The following RGS22 variants were observed in gnomAD, a reference collection of about 807,000 sequenced individuals.
RGS22 encodes the protein regulator of G protein signaling 22.
RGS22 carries 148 observed loss-of-function variants against 172.9 expected under a neutral mutation model. The observed-to-expected ratio is 0.86, with a 90% CI of 0.75 to 0.98. The LOEUF is 0.98. Among genes scored for constraint, RGS22 ranks in the 50% least tolerant of loss-of-function variants. The pLI, the probability that RGS22 is intolerant of heterozygous loss-of-function variation, is 0.00. For missense variants in RGS22, 1,347 were observed against 1,440.8 expected, an observed-to-expected ratio of 0.93 and a Z score of 1.05; for synonymous variants, 458 against 480.2, an observed-to-expected ratio of 0.95 and a Z score of 0.60.
At chr8:100,072,418 C>T (rs973134470) in intron 4 of RGS22, among the ~76,000 whole-genome samples, 188 bp from the exon 5 acceptor site, 6 of 126,516 alleles carry the variant, frequency 4.7e-5, no homozygotes, top group Admixed American at 2.7e-4. Flanking sequence ...GCCCCTGGTA[C>T]GTTTTTAATT....
chr8:100,021,219 T>C (rs1163702397), intron 14 of RGS22, among the ~76,000 whole-genome samples: 1 of 152,236 alleles, frequency 6.6e-6, no homozygotes, highest in African/African-American at 2.4e-5. Context: ...TGCCAATTTA[T>C]AACAGTTTAC....
chr8:100,093,294 T>C lies in RGS22; in HGVS notation c.117+153A>G, dbSNP rs541680484. ...CTAAATATGATTCAAATCCAAATGA[T>C]TAACTATGTAAAAAGATAAAACCTT... On this transcript the variant is annotated intron_variant, in intron 3 of 27. Coordinates refer to ENST00000360863, the MANE Select transcript of RGS22 (RefSeq NM_015668.5). 39 of 516,336 alleles carry C rather than the reference T, an allele frequency of 7.6e-5. No homozygotes were observed. In the South Asian group the frequency reaches 1.3e-3, roughly 17 times the overall value. 32.0% of individuals were successfully genotyped at this position (516,336 alleles called of 1,614,324 possible).
chr8:100,101,432 A>G (rs1245575227), intron 2 of RGS22, among the ~76,000 whole-genome samples: 1 of 144,148 alleles, frequency 6.9e-6, no homozygotes, highest in Admixed American at 7.2e-5. Context: ...GACTACAGGC[A>G]TGCCCAGCTA....
chr8:100,097,749 C>T (rs934178737), intron 2 of RGS22, among the ~76,000 whole-genome samples: 4 of 152,208 alleles, frequency 2.6e-5, no homozygotes, highest in Non-Finnish European at 4.4e-5. Context: ...ACTCTGGAAT[C>T]CTGTCCACTA....
intron 14 of RGS22, among the ~76,000 whole-genome samples, chr8:100,011,687 C>T (rs996321633): frequency 6.6e-6 from 1 of 152,136 alleles, no homozygotes; most frequent in Admixed American, 6.5e-5. Flanking sequence ...TGACTCCAGC[C>T]TCGAGTTTTT....
At chr8:100,076,926 G>A (rs995394575) in intron 4 of RGS22, among the ~76,000 whole-genome samples, 3 of 152,024 alleles carry the variant, frequency 2.0e-5, no homozygotes, top group Non-Finnish European at 4.4e-5. Flanking sequence ...CTGGGAGGCG[G>A]AGAGTGCAGT....
intron 12 of RGS22, 104 bp from the exon 13 acceptor site, chr8:100,040,191 C>T: frequency 1.0e-6 from 1 of 994,498 alleles, no homozygotes; most frequent in Non-Finnish European, 1.5e-6. Context: ...GTCATTTTCC[C>T]ACTGGACTAT....
At chr8:100,086,476 A>G (rs1358475776) in intron 3 of RGS22, among the ~76,000 whole-genome samples, 1 of 152,072 alleles carries the variant, frequency 6.6e-6, no homozygotes, top group Non-Finnish European at 1.5e-5. Context: ...ACCAAACACC[A>G]TATGTTTTCA....
intron 17 of RGS22, 68 bp from the exon 18 acceptor site, chr8:100,002,432 A>G: frequency 6.8e-7 from 1 of 1,469,484 alleles, no homozygotes; most frequent in East Asian, 2.4e-5. Context: ...TAAACACCCG[A>G]TTGTTGTTTT....
chr8:99,992,626 A>G (rs1009900318), intron 20 of RGS22, among the ~76,000 whole-genome samples: 3 of 152,218 alleles, frequency 2.0e-5, no homozygotes, highest in African/African-American at 7.2e-5. Context: ...GCAAGTCCTT[A>G]GAGACCTATG....
At chr8:100,001,221 CAT>C (rs1397528231) in intron 18 of RGS22, among the ~76,000 whole-genome samples, 1 of 84,648 alleles carries the variant, frequency 1.2e-5, no homozygotes, top group Non-Finnish European at 2.3e-5. Flanking sequence ...TATATATATA[CAT>C]ATATATATAT....
intron 14 of RGS22, among the ~76,000 whole-genome samples, chr8:100,022,252 GATA>G (rs968422021): frequency 2.0e-5 from 3 of 152,172 alleles, no homozygotes; most frequent in Non-Finnish European, 2.9e-5. Flanking sequence ...TACGAAAAAA[GATA>G]ATGATGACAA....
intron 3 of RGS22, among the ~76,000 whole-genome samples, chr8:100,084,674 A>G (rs1482248839): frequency 6.6e-6 from 1 of 152,228 alleles, no homozygotes; most frequent in Non-Finnish European, 1.5e-5. Flanking sequence ...CCTTAAAAGC[A>G]CTATGATTCT....
intron 3 of RGS22, among the ~76,000 whole-genome samples, chr8:100,083,644 G>C (rs1811929491): frequency 6.6e-6 from 1 of 151,808 alleles, no homozygotes; most frequent in Non-Finnish European, 1.5e-5. Flanking sequence ...GGGATTACAG[G>C]CATAAGCCAC....
chr8:99,994,839 G>A (rs1814176881), intron 20 of RGS22, among the ~76,000 whole-genome samples: 1 of 152,160 alleles, frequency 6.6e-6, no homozygotes, highest in Non-Finnish European at 1.5e-5. Flanking sequence ...CAAAGCTGGA[G>A]GCATCACGCT....
intron 27 of RGS22, 144 bp downstream of exon 27, chr8:99,962,250 G>T (rs931375127): frequency 1.7e-6 from 1 of 589,022 alleles, no homozygotes; most frequent in Admixed American, 3.2e-5. Context: ...ATTCAAAAGG[G>T]AGGCAAGGCT....
chr8:99,961,756 GTA>G (rs1810223444), intron 27 of RGS22, among the ~76,000 whole-genome samples: 1 of 152,118 alleles, frequency 6.6e-6, no homozygotes, highest in Non-Finnish European at 1.5e-5. Flanking sequence ...GGGCAAAAGA[GTA>G]TAGAGGCTAG....
At chr8:100,016,371 C>CTT (rs11448241) in intron 14 of RGS22, among the ~76,000 whole-genome samples, 1 of 151,766 alleles carries the variant, frequency 6.6e-6, no homozygotes, top group African/African-American at 2.4e-5. Context: ...TGCCCTTCCA[C>CTT]TTTTTTTTCT....
intron 23 of RGS22, among the ~76,000 whole-genome samples, chr8:99,965,974 T>C (rs1239451775): frequency 6.6e-6 from 1 of 152,194 alleles, no homozygotes; most frequent in African/African-American, 2.4e-5. Flanking sequence ...ACTCAAATAT[T>C]TGTTGAATGA....
Sources: allele counts gnomAD v4.1 joint callset (sites outside exome capture counted in the v4.1 genomes callset), GRCh38; gene constraint gnomAD v4.1.1; transcripts MANE v1.5; gene names NCBI Gene and HGNC (gene_info 2026-07-23, HGNC 2026-07-21).